TBC1D4: variants seen among roughly 807,000 people sequenced by gnomAD.
TBC1D4 encodes TBC (Tre-2, BUB2, CDC16) domain-containing protein.
In TBC1D4, 121 loss-of-function variants were observed where a neutral mutation model predicts 142.5. The observed-to-expected ratio is 0.85, with a 90% CI of 0.73 to 0.99. The LOEUF is 0.99. Among genes scored for constraint, TBC1D4 ranks in the 50% least tolerant of loss-of-function variants. The pLI is 0.00. For missense variants in TBC1D4, 1,475 were observed against 1,606.6 expected, an observed-to-expected ratio of 0.92 and a Z score of 1.40; for synonymous variants, 630 against 628.2, an observed-to-expected ratio of 1.00 and a Z score of -0.04.
chr13:75,311,593 T>C (rs938912197), intron 13 of TBC1D4, among the ~76,000 whole-genome samples: 3 of 152,194 alleles, frequency 2.0e-5, no homozygotes, highest in Admixed American at 1.3e-4. Flanking sequence ...AATATATTCA[T>C]GGCTTTTAAC....
At chr13:75,453,271 T>A (rs1887601017) in intron 1 of TBC1D4, among the ~76,000 whole-genome samples, 1 of 152,034 alleles carries the variant, frequency 6.6e-6, no homozygotes, top group African/African-American at 2.4e-5. Flanking sequence ...ACCAATATGT[T>A]TAGTTTAACA....
intron 13 of TBC1D4, 88 bp downstream of exon 13, chr13:75,312,650 T>C (rs922655755): frequency 1.9e-6 from 3 of 1,540,106 alleles, no homozygotes; most frequent in African/African-American, 2.7e-5. Context: ...CTGTAATCAC[T>C]TAAATCTCTT....
At chr13:75,338,286 G>C (rs559309639) in intron 7 of TBC1D4, among the ~76,000 whole-genome samples, 20 of 150,204 alleles carry the variant, frequency 1.3e-4, no homozygotes, top group Admixed American at 1.1e-3. Flanking sequence ...GGAAAGGAGA[G>C]GAAAAAAAAA....
chr13:75,337,073 G>T, intron 7 of TBC1D4, 33 bp from the exon 8 acceptor site: 2 of 1,596,436 alleles, frequency 1.3e-6, no homozygotes, highest in South Asian at 2.2e-5. Flanking sequence ...ATTTTAGTTT[G>T]GAAATACTCA....
intron 12 of TBC1D4, chr13:75,316,386 C>A (rs534648393): frequency 1.3e-5 from 2 of 152,104 alleles, no homozygotes; most frequent in African/African-American, 2.4e-5. Context: ...ATTTTTCTCC[C>A]ATGTCTGGAA....
intron 17 of TBC1D4, 107 bp from the exon 18 acceptor site, chr13:75,295,120 A>G (rs1875773280): frequency 9.8e-7 from 1 of 1,016,658 alleles, no homozygotes; most frequent in African/African-American, 1.6e-5. Context: ...ATTCACATAT[A>G]TAAGTAGTAT....
intron 1 of TBC1D4, among the ~76,000 whole-genome samples, chr13:75,388,024 C>T (rs1394040826): frequency 2.0e-5 from 3 of 152,164 alleles, no homozygotes. Context: ...CACCTGAGGG[C>T]TGTTCCAAGT....
In TBC1D4 at chr13:75,306,487, A is replaced by G; in HGVS notation, c.2594-16T>C. 1 of 1,612,246 alleles carries G rather than the reference A, an allele frequency of 6.2e-7. No homozygotes were observed. The highest frequency in any genetic ancestry group is 1.3e-5 in the African/African-American group (1 of 75,006). ...TCTCTGCTTGCTAAGGAAAAAAACA[A>G]TTTACGTAAGACCAATGTGTTTTTC... On this transcript the variant is annotated splice_polypyrimidine_tract_variant and intron_variant, in intron 14 of 20. Transcript: ENST00000377636.
intron 1 of TBC1D4, among the ~76,000 whole-genome samples, chr13:75,400,870 T>C (rs564237212): frequency 6.6e-6 from 1 of 152,236 alleles, no homozygotes; most frequent in African/African-American, 2.4e-5. Context: ...CGATCAGTTC[T>C]CCAGCTTCAT....
At chr13:75,336,836 G>T in intron 8 of TBC1D4, 85 bp downstream of exon 8, 1 of 1,453,298 alleles carries the variant, frequency 6.9e-7, no homozygotes, top group Non-Finnish European at 9.4e-7. Context: ...TTGTTTTAAG[G>T]AAATCAGTGA....
chr13:75,294,933 G>A lies in TBC1D4; in HGVS notation c.3237C>T (p.Ser1079=), dbSNP rs537590440. 1.2e-6 allele frequency: 2 copies of A among 1,613,948 alleles called. No individual in the cohort carries two copies. Among genetic ancestry groups the A allele is most frequent in the Non-Finnish European group, 1.7e-6 (2 of 1,179,886 alleles). ...LYNHLEENEI[S]PSLYAAPWFL... is the part of the protein sequence containing the mutation. ...ACCAGGGGGCAGCATAAAGACTGGG[G>A]CTGATTTCATTTTCTTCAAGGTGAT... The change falls in exon 18 of 21, where the codon AGC becomes AGT. Residue 1079 remains serine, a synonymous_variant. Coordinates refer to ENST00000377636, the MANE Select transcript of TBC1D4 (RefSeq NM_014832.5).
chr13:75,481,714 G>A lies in TBC1D4; in HGVS notation c.54C>T (p.Pro18=), dbSNP rs1888894246. 4.4e-6 allele frequency: 7 copies of A among 1,595,242 alleles called. No homozygotes were observed. The highest frequency in any genetic ancestry group is 6.0e-6 in the Non-Finnish European group (7 of 1,173,262). ...CGGGCTGAGCTGAGACGCCCGGCTC[G>A]GGCTCCAGGGGGTGCGGGAACGGCT... ...QDEPFPHPLE[P]EPGVSAQPGP... is the part of the protein sequence containing the mutation. The change falls in exon 1 of 21, where the codon CCC becomes CCT. Residue 18 remains proline, a synonymous_variant. Transcript: ENST00000377636.
chr13:75,390,130 A>C (rs965600078), intron 1 of TBC1D4, among the ~76,000 whole-genome samples: 1 of 152,022 alleles, frequency 6.6e-6, no homozygotes, highest in Admixed American at 6.6e-5. Context: ...ACAAAAAAAA[A>C]TTAGCTGGGC....
rs984018013 is a variant in TBC1D4, at chr13:75,352,970, T to C, written c.1275+3177A>G. Among the ~76,000 whole-genome samples the C allele has an allele frequency of 5.3e-5, 8 of 152,238 alleles. 1 individual carries two copies. The highest frequency in any genetic ancestry group is 7.3e-5 in the Non-Finnish European group (5 of 68,040). On this transcript the variant is annotated intron_variant, in intron 4 of 20. Coordinates refer to ENST00000377636, the MANE Select transcript of TBC1D4 (RefSeq NM_014832.5). ...ATGAAGGAAATTTACGTTTAATTTT[T>C]TTCTTGAGGCTTGCAGTTCTATTGC...
chr13:75,383,576 G>A (rs1227991951), intron 1 of TBC1D4, among the ~76,000 whole-genome samples: 2 of 152,060 alleles, frequency 1.3e-5, no homozygotes, highest in African/African-American at 2.4e-5. Context: ...AAGGCATTTT[G>A]GAGAGGGTCC....
At chr13:75,292,726 A>T (rs1402354162) in intron 18 of TBC1D4, among the ~76,000 whole-genome samples, 1 of 75,502 alleles carries the variant, frequency 1.3e-5, no homozygotes, top group Non-Finnish European at 2.6e-5. Flanking sequence ...CAGGAAATTA[A>T]AAAAAAAAAA....
At chr13:75,381,083 A>G (rs1002459770) in intron 1 of TBC1D4, among the ~76,000 whole-genome samples, 4 of 152,248 alleles carry the variant, frequency 2.6e-5, no homozygotes, top group Admixed American at 2.6e-4. Context: ...GTGAGAATAA[A>G]GTTTGTATAA....
intron 1 of TBC1D4, among the ~76,000 whole-genome samples, chr13:75,480,213 A>G (rs1888780440): frequency 6.6e-6 from 1 of 152,230 alleles, no homozygotes. Flanking sequence ...TTCTCATCTG[A>G]CTACGATTAA....
chr13:75,477,908 G>T (rs1287777041), intron 1 of TBC1D4, among the ~76,000 whole-genome samples: 1 of 152,208 alleles, frequency 6.6e-6, no homozygotes, highest in Non-Finnish European at 1.5e-5. Flanking sequence ...ACTAGAGACA[G>T]ATCTGCATTG....
Sources: allele counts gnomAD v4.1 joint callset (sites outside exome capture counted in the v4.1 genomes callset), GRCh38; gene constraint gnomAD v4.1.1; transcripts MANE v1.5; gene names NCBI Gene and HGNC (gene_info 2026-07-23, HGNC 2026-07-21).